The following PPP2R2B variants were observed in gnomAD, a reference collection of about 807,000 sequenced individuals.
The protein encoded by PPP2R2B is serine/threonine-protein phosphatase 2A 55 kDa regulatory subunit B beta isoform.
Under a neutral mutation model 46.0 loss-of-function variants are expected in PPP2R2B, and 5 were observed. That is an observed-to-expected ratio of 0.11 (90% confidence interval 0.06 to 0.23). The LOEUF (loss-of-function observed/expected upper bound fraction) is 0.23, where lower values mean the gene tolerates loss of function less well. Among genes scored for constraint, PPP2R2B ranks in the 10% least tolerant of loss-of-function variants. The probability of loss-of-function intolerance (pLI) is 1.00; values close to 1 mark genes in which losing one functional copy is unlikely to be tolerated. For synonymous variants in PPP2R2B, 215 were observed against 206.7 expected (o/e 1.04, Z -0.34); for missense variants, 367 against 575.0 (o/e 0.64, Z 3.70).
upstream of PPP2R2B, among the ~76,000 whole-genome samples, chr5:147,056,585 T>C (rs1378200075): frequency 6.6e-6 from 1 of 152,144 alleles, no homozygotes; most frequent in Non-Finnish European, 1.5e-5. Flanking sequence ...CTGTGAACCC[T>C]GATGGCATTA....
intron 1 of PPP2R2B, among the ~76,000 whole-genome samples, chr5:146,912,123 C>G (rs900151868): frequency 6.6e-6 from 1 of 151,254 alleles, no homozygotes; most frequent in Non-Finnish European, 1.5e-5. Flanking sequence ...CCTGTAGTCC[C>G]AGCTACTTGG....
At chr5:146,677,893 C>T (rs1176773385) in intron 5 of PPP2R2B, among the ~76,000 whole-genome samples, 4 of 152,136 alleles carry the variant, frequency 2.6e-5, no homozygotes. Flanking sequence ...AGAGCAGAGA[C>T]CATACATGTC....
intron 2 of PPP2R2B, among the ~76,000 whole-genome samples, chr5:147,077,308 A>C (rs1034351216): frequency 2.3e-5 from 3 of 128,874 alleles, no homozygotes; most frequent in Non-Finnish European, 3.3e-5. Flanking sequence ...ACACACACAC[A>C]CACCCACACC....
rs1770178276 is a variant in PPP2R2B, at chr5:146,586,638, G to A, written c.*3309C>T. On this transcript the variant is annotated 3_prime_UTR_variant, in exon 10 of 10. Transcript: ENST00000394411. ...TTCATCTTTATTCCACCTTGCAATT[G>A]TTCCATCTTATATATGCTGGTTGCC... The A allele has an allele frequency of 6.6e-6, 1 of 152,106 alleles. No homozygotes were observed. Among genetic ancestry groups the A allele is most frequent in the African/African-American group, 2.4e-5 (1 of 41,416 alleles). 9.4% of individuals were successfully genotyped at this position (152,106 alleles called of 1,614,324 possible).
chr5:146,651,925 C>T (rs985325623), intron 5 of PPP2R2B, among the ~76,000 whole-genome samples: 1 of 152,140 alleles, frequency 6.6e-6, no homozygotes, highest in African/African-American at 2.4e-5. Flanking sequence ...CTTTAACTCA[C>T]CTATGCGGGA....
intron 1 of PPP2R2B, among the ~76,000 whole-genome samples, chr5:147,023,199 G>A (rs756098297): frequency 1.3e-5 from 2 of 152,086 alleles, no homozygotes; most frequent in Non-Finnish European, 2.9e-5. Context: ...TACATTATAC[G>A]TAAGTGGAAT....
rs543820302 is a variant in PPP2R2B at position 146,951,805 on chromosome 5, G to T, written c.79+103860C>A. Among the ~76,000 whole-genome samples, 6 of 152,150 alleles carry T rather than the reference G, an allele frequency of 3.9e-5. No individual in the cohort carries two copies. The South Asian group carries it at 1.2e-3, about 32-fold the overall frequency. On this transcript the variant is annotated intron_variant, in intron 1 of 8. Transcript: ENST00000336640. ...TTCCATGTGTTTGCTATTGTGAATA[G>T]TGTAGCAATGAACCTATGCATACAT...
At chr5:146,688,043 T>A (rs1279801184) in intron 5 of PPP2R2B, among the ~76,000 whole-genome samples, 1 of 152,170 alleles carries the variant, frequency 6.6e-6, no homozygotes, top group African/African-American at 2.4e-5. Flanking sequence ...TTGTTCTGAA[T>A]CTAGTCTTCA....
At chr5:146,642,849 G>A (rs575616908) in intron 6 of PPP2R2B, among the ~76,000 whole-genome samples, 1 of 152,304 alleles carries the variant, frequency 6.6e-6, no homozygotes, top group East Asian at 1.9e-4. Flanking sequence ...TTGAGCCTGG[G>A]AATTTGAGAC....
intron 2 of PPP2R2B, chr5:146,706,626 C>T: frequency 2.5e-6 from 2 of 811,016 alleles, no homozygotes; most frequent in Admixed American, 1.8e-5. Context: ...ATCTGCGATG[C>T]CGGCCTCCAG....
intron 1 of PPP2R2B, among the ~76,000 whole-genome samples, chr5:147,010,290 C>T (rs1208483393): frequency 3.3e-5 from 5 of 151,962 alleles, no homozygotes; most frequent in South Asian, 4.1e-4. Flanking sequence ...GACAATTTTT[C>T]CACAGACTGG....
intron 1 of PPP2R2B, among the ~76,000 whole-genome samples, chr5:146,957,081 G>T (rs912918996): frequency 6.6e-6 from 1 of 152,030 alleles, no homozygotes; most frequent in Non-Finnish European, 1.5e-5. Flanking sequence ...TTTCATTATT[G>T]GGAAGACATG....
intron 1 of PPP2R2B, among the ~76,000 whole-genome samples, chr5:146,903,727 T>C (rs1211224626): frequency 2.0e-5 from 3 of 152,058 alleles, no homozygotes; most frequent in Non-Finnish European, 2.9e-5. Flanking sequence ...TGCTTAAGAG[T>C]ACATGCTTTA....
In PPP2R2B at chr5:146,638,471, G is replaced by A. The variant is rs184787691; in HGVS notation, c.626-56C>T. 75 of 1,490,346 alleles carry A rather than the reference G, an allele frequency of 5.0e-5. No individual in the cohort carries two copies. The Admixed American group carries it at 9.8e-4, about 19-fold the overall frequency. The allele number at this position is 1,490,346 out of a possible 1,614,324, so 92.3% of individuals were successfully genotyped here. A position where few individuals can be genotyped will look rare whatever the true frequency, so the allele number is the denominator to read the frequency against. ...GAGAAGGAGGCAGGAACTTGGGGAA[G>A]GGGAGAATTAGCAATGGCACCATCT... On this transcript the variant is annotated intron_variant, in intron 6 of 9. Transcript: ENST00000394411.
At chr5:146,609,815 T>C (rs1772688161) in intron 7 of PPP2R2B, among the ~76,000 whole-genome samples, 1 of 134,696 alleles carries the variant, frequency 7.4e-6, no homozygotes, top group African/African-American at 3.1e-5. Flanking sequence ...CACGAGACTA[T>C]ATCCCACACC....
upstream of PPP2R2B, among the ~76,000 whole-genome samples, chr5:147,060,214 C>T (rs953729060): frequency 4.6e-5 from 7 of 152,184 alleles, no homozygotes; most frequent in Non-Finnish European, 7.3e-5. Flanking sequence ...TACAGACTCC[C>T]ACATACCATG....
chr5:147,010,609 A>G (rs538463625), intron 1 of PPP2R2B, among the ~76,000 whole-genome samples: 2 of 152,288 alleles, frequency 1.3e-5, no homozygotes, highest in Non-Finnish European at 2.9e-5. Context: ...CTGATCTGAA[A>G]GGAGGTGGAG....
At chr5:146,736,993 T>C (rs1479548800) in intron 2 of PPP2R2B, among the ~76,000 whole-genome samples, 1 of 152,242 alleles carries the variant, frequency 6.6e-6, no homozygotes, top group East Asian at 1.9e-4. Context: ...ATATAGCATT[T>C]TATTTAACTC....
intron 2 of PPP2R2B, among the ~76,000 whole-genome samples, chr5:146,815,162 T>A (rs1757856278): frequency 6.6e-6 from 1 of 152,230 alleles, no homozygotes; most frequent in African/African-American, 2.4e-5. Flanking sequence ...ACTAGTCTGC[T>A]GGGGGAAATC....
Sources: allele counts gnomAD v4.1 joint callset (sites outside exome capture counted in the v4.1 genomes callset), GRCh38; gene constraint gnomAD v4.1.1; transcripts MANE v1.5; gene names NCBI Gene and HGNC (gene_info 2026-07-23, HGNC 2026-07-21).